Variants in ZNF654 observed in about 807,000 individuals in gnomAD.
ZNF654 encodes melanoma-associated antigen.
In ZNF654, 19 loss-of-function variants were observed where a neutral mutation model predicts 95.3. The ratio of observed to expected loss-of-function variants is 0.20; its 90% CI spans 0.14 to 0.29. The LOEUF (loss-of-function observed/expected upper bound fraction) is 0.29, where lower values mean the gene tolerates loss of function less well. ZNF654 is among the 10% of genes least tolerant of loss of function. The probability of loss-of-function intolerance (pLI) is 1.00; values close to 1 mark genes in which losing one functional copy is unlikely to be tolerated. For missense variants in ZNF654, 1,046 were observed against 1,341.0 expected, an observed-to-expected ratio of 0.78 and a Z score of 3.44; for synonymous variants, 413 against 457.9, an observed-to-expected ratio of 0.90 and a Z score of 1.25.
intron 7 of ZNF654, among the ~76,000 whole-genome samples, chr3:88,137,819 G>A (rs1482463014): frequency 2.6e-5 from 4 of 152,062 alleles, no homozygotes; most frequent in Admixed American, 2.6e-4. Flanking sequence ...GCATGTAAAG[G>A]ACTAAGAAAA....
chr3:88,129,946 A>T lies in ZNF654; in HGVS notation c.893+120A>T, dbSNP rs1320312667. 8.8e-6 allele frequency: 8 copies of T among 907,570 alleles called. No homozygotes were observed. In the South Asian group the frequency reaches 1.7e-4, roughly 19 times the overall value. The allele number at this position is 907,570 out of a possible 1,614,324, so 56.2% of individuals were successfully genotyped here. On this transcript the variant is annotated intron_variant, in intron 6 of 8. Transcript: ENST00000636215. ...TCAAGCTACTTTTAAAAAAAAATTG[A>T]TTGTGCAAGGAACAATAGTAGATTC...
intron 7 of ZNF654, among the ~76,000 whole-genome samples, chr3:88,137,990 A>G (rs377616907): frequency 1.1e-3 from 163 of 152,290 alleles, no homozygotes; most frequent in African/African-American, 3.9e-3. Context: ...AGACACTATT[A>G]TAACTAAGAT....
Position 88,143,271 on chromosome 3 carries a change from C to T in ZNF654, c.*1619C>T, listed in dbSNP as rs2107911245. On this transcript the variant is annotated 3_prime_UTR_variant, in exon 9 of 9. Coordinates refer to ENST00000636215, the MANE Select transcript of ZNF654 (RefSeq NM_001350134.2). ...TTTATTGGTTTATCATCAGCATTCA[C>T]TACTATGCAATGATGGTCATAAGTC... 6.6e-6 allele frequency: 1 copy of T among 152,170 alleles called. No individual in the cohort carries two copies. The highest frequency in any genetic ancestry group is 1.9e-4 in the East Asian group (1 of 5,180). The allele number at this position is 152,170 out of a possible 1,614,324, so 9.4% of individuals were successfully genotyped here. A position where few individuals can be genotyped will look rare whatever the true frequency, so the allele number is the denominator to read the frequency against.
intron 1 of ZNF654, among the ~76,000 whole-genome samples, chr3:88,066,859 G>T (rs1239643762): frequency 6.6e-6 from 1 of 152,108 alleles, no homozygotes; most frequent in Non-Finnish European, 1.5e-5. Context: ...GATATGTGAA[G>T]AAATAAAATA....
intron 1 of ZNF654, among the ~76,000 whole-genome samples, chr3:88,079,933 AT>A (rs1406653933): frequency 6.6e-6 from 1 of 152,028 alleles, no homozygotes; most frequent in Non-Finnish European, 1.5e-5. Flanking sequence ...CTTAGAATGT[AT>A]TTCTAAACCA....
chr3:88,135,107 T>C lies in ZNF654; in HGVS notation c.940T>C (p.Ser314Pro), dbSNP rs755947703. ...WSKLQLKSNP[S>P]KQVFVDQCYQ... The stretch of plus-strand genomic sequence containing the variant: ...TAAACTACAGCTTAAATCTAATCCT[T>C]CAAAACAAGTTTTTGTAGATCAATG... The change falls in exon 7 of 9, where the codon TCA (serine) becomes CCA (proline). Residue 314 changes from serine (S) to proline (P), a missense_variant. Coordinates refer to ENST00000636215, the MANE Select transcript of ZNF654 (RefSeq NM_001350134.2). 6 of 1,481,252 alleles carry C rather than the reference T, an allele frequency of 4.1e-6. No individual in the cohort carries two copies. Among genetic ancestry groups the C allele is most frequent in the Non-Finnish European group, 5.3e-6 (6 of 1,123,496 alleles). 91.8% of individuals were successfully genotyped at this position (1,481,252 alleles called of 1,614,324 possible).
chr3:88,117,336 A>G (rs1705472392), intron 3 of ZNF654, among the ~76,000 whole-genome samples: 1 of 152,232 alleles, frequency 6.6e-6, no homozygotes, highest in Non-Finnish European at 1.5e-5. Flanking sequence ...CCACAAAGGA[A>G]AAAATCAAAT....
intron 1 of ZNF654, among the ~76,000 whole-genome samples, chr3:88,075,595 C>T (rs4241550): frequency 0.94 from 143,035 of 152,238 alleles, 67,730 homozygotes; most frequent in Non-Finnish European, 1. Flanking sequence ...TTAATTATTC[C>T]AGGCCTTGCA....
intron 2 of ZNF654, among the ~76,000 whole-genome samples, chr3:88,107,359 T>C (rs1366877099): frequency 1.3e-5 from 2 of 152,200 alleles, no homozygotes; most frequent in Admixed American, 1.3e-4. Flanking sequence ...ATTTGCATCT[T>C]AGACCTTTCT....
intron 3 of ZNF654, among the ~76,000 whole-genome samples, chr3:88,123,594 C>A (rs1446663551): frequency 6.6e-6 from 1 of 152,118 alleles, no homozygotes; most frequent in Non-Finnish European, 1.5e-5. Context: ...TCCTAGGAAT[C>A]TGTTTTTTAA....
chr3:88,064,495 A>G (rs1707085359), intron 1 of ZNF654, among the ~76,000 whole-genome samples: 1 of 151,998 alleles, frequency 6.6e-6, no homozygotes. Context: ...GAGATTTTGA[A>G]CTGATCTTTT....
intron 1 of ZNF654, among the ~76,000 whole-genome samples, chr3:88,060,787 G>A (rs1435624996): frequency 6.6e-6 from 1 of 152,014 alleles, no homozygotes; most frequent in Non-Finnish European, 1.5e-5. Context: ...TTCAATGCTT[G>A]TAAGGAATTT....
chr3:88,132,778 G>C lies in ZNF654; in HGVS notation c.894-2283G>C, dbSNP rs145257775. On this transcript the variant is annotated intron_variant, in intron 6 of 8. Coordinates refer to ENST00000636215, the MANE Select transcript of ZNF654 (RefSeq NM_001350134.2). The stretch of plus-strand genomic sequence containing the variant: ...TTCTTTTAATAAAGATGCTGAATAG[G>C]AATAATCCCAACCTTTATGTGTAAG... Among the ~76,000 whole-genome samples the C allele has an allele frequency of 2.7e-4, 41 of 152,210 alleles. No individual in the cohort carries two copies. The East Asian group carries it at 7.9e-3, about 29-fold the overall frequency.
At chr3:88,138,227 T>A (rs1339907939) in intron 7 of ZNF654, among the ~76,000 whole-genome samples, 1 of 152,154 alleles carries the variant, frequency 6.6e-6, no homozygotes, top group African/African-American at 2.4e-5. Context: ...TAAGTAATAT[T>A]TTTTCATATA....
intron 1 of ZNF654, among the ~76,000 whole-genome samples, chr3:88,065,193 A>T (rs1357387966): frequency 3.3e-5 from 5 of 152,348 alleles, no homozygotes; most frequent in African/African-American, 9.6e-5. Flanking sequence ...CTGGAAAGAC[A>T]TCAACTCGTT....
chr3:88,140,953 A>G lies in ZNF654; in HGVS notation c.3284A>G (p.Lys1095Arg). The change falls in exon 8 of 9, where the codon AAA becomes AGA. Residue 1095 changes from lysine (K) to arginine (R), a missense_variant. Lys to Arg is a conservative substitution (Grantham distance 26). Around this residue, in one of 9 missense-constraint regions of ZNF654, gnomAD observed 59 missense variants for 73.0 expected, o/e 0.81. Transcript: ENST00000636215. ...KKSVKRLRCG[K>R]CLTTYCNAEA... Reference sequence around the variant, plus strand: ...TCAGTGAAAAGATTAAGATGTGGCAAATGCCTGACCACCTACTGTAATGCA... The same window carrying G: ...TCAGTGAAAAGATTAAGATGTGGCAGATGCCTGACCACCTACTGTAATGCA... 1 of 1,613,518 alleles carries G rather than the reference A, an allele frequency of 6.2e-7. No homozygotes were observed. The highest frequency in any genetic ancestry group is 8.5e-7 in the Non-Finnish European group (1 of 1,179,584).
intron 2 of ZNF654, among the ~76,000 whole-genome samples, chr3:88,111,861 A>G (rs1162765409): frequency 6.6e-6 from 1 of 151,982 alleles, no homozygotes; most frequent in Admixed American, 6.6e-5. Flanking sequence ...CATAAATATG[A>G]GAGGAGAAAT....
chr3:88,143,551 G>A lies in ZNF654; in HGVS notation c.*1899G>A, dbSNP rs569786966. ...AAGTCTTTTGAAATATTTCTGCTTT[G>A]TACATTTTCCAGAAGTTTAATATTT... On this transcript the variant is annotated 3_prime_UTR_variant, in exon 9 of 9. Coordinates refer to ENST00000636215, the MANE Select transcript of ZNF654 (RefSeq NM_001350134.2). 7.2e-5 allele frequency: 11 copies of A among 152,286 alleles called. No individual in the cohort carries two copies. Among genetic ancestry groups the A allele is most frequent in the African/African-American group, 2.6e-4 (11 of 41,510 alleles). The allele number at this position is 152,286 out of a possible 1,614,324, so 9.4% of individuals were successfully genotyped here.
chr3:88,130,366 A>AT (rs941836036), intron 6 of ZNF654, among the ~76,000 whole-genome samples: 7 of 152,274 alleles, frequency 4.6e-5, no homozygotes, highest in African/African-American at 1.2e-4. Context: ...GGCTATAAAC[A>AT]TTTTTTTAAA....
Sources: gnomAD v4.1 joint callset for allele counts (sites outside exome capture counted in the v4.1 genomes callset) on GRCh38, gnomAD v4.1.1 for gene constraint, gnomAD v4.1.1 regional missense constraint, MANE v1.5 for transcripts, NCBI Gene and HGNC (gene_info 2026-07-23, HGNC 2026-07-21) for gene names.